Variants in IQCE observed in about 807,000 individuals in gnomAD.
The protein encoded by IQCE is IQ motif containing E.
In IQCE, 115 loss-of-function variants were observed where a neutral mutation model predicts 96.0. That is an observed-to-expected ratio of 1.20 (90% CI 1.03 to 1.40). IQCE has a LOEUF of 1.40. Among genes scored for constraint, IQCE ranks in the 40% most tolerant of loss-of-function variants. IQCE has a pLI of 0.00. For synonymous variants in IQCE, 412 were observed against 371.2 expected (o/e 1.11, Z -1.26); for missense variants, 1,041 against 909.1 (o/e 1.15, Z -1.87).
At position 2,571,573 on chromosome 7, in the gene IQCE, C is replaced by A. The variant is rs1255069705; in HGVS notation, c.178C>A (p.Leu60Ile). 4 of 1,604,760 alleles carry A rather than the reference C, an allele frequency of 2.5e-6. No homozygotes were observed. Among genetic ancestry groups the A allele is most frequent in the Non-Finnish European group, 3.4e-6 (4 of 1,179,972 alleles). ...KPRKVASWRS[L>I]RTAGSMPLGG... is the part of the protein sequence containing the mutation. ...GAGAAAAGTGGCCTCCTGGAGGTCC[C>A]TCAGGACGGCAGGGAGCATGCCTCT... The change falls in exon 4 of 22, where the codon CTC (leucine) becomes ATC (isoleucine). Residue 60 changes from leucine to isoleucine, a missense_variant. By Grantham distance (5) the Leu-to-Ile change is conservative (BLOSUM62 2). Coordinates refer to ENST00000402050, the MANE Select transcript of IQCE (RefSeq NM_152558.5).
At chr7:2,592,838 G>C (rs1368862218) in intron 14 of IQCE, among the ~76,000 whole-genome samples, 184 bp from the exon 15 acceptor site, 1 of 152,226 alleles carries the variant, frequency 6.6e-6, no homozygotes, top group Non-Finnish European at 1.5e-5. Flanking sequence ...GTTCAGGGCA[G>C]GCAGAGCCCT....
rs565300664 is a variant in IQCE, at chr7:2,571,377, G to A, written c.131-149G>A. On this transcript the variant is annotated intron_variant, in intron 3 of 21. Coordinates refer to ENST00000402050, the MANE Select transcript of IQCE (RefSeq NM_152558.5). ...GGAGAAATGTCAGTATATAGGTAAA[G>A]TAACTCTTTTTTCATTTTTGCCAGA... 1.4e-5 allele frequency: 13 copies of A among 944,370 alleles called. No homozygotes were observed. The African/African-American group carries it at 2.1e-4, about 16-fold the overall frequency. 58.5% of individuals were successfully genotyped at this position (944,370 alleles called of 1,614,324 possible).
At chr7:2,594,812 C>A in intron 15 of IQCE, 74 bp from the exon 16 acceptor site, 2 of 1,096,606 alleles carry the variant, frequency 1.8e-6, no homozygotes, top group Non-Finnish European at 2.8e-6. Context: ...GACCGCCCGC[C>A]CCACCCTGCC....
chr7:2,607,128 A>G lies in IQCE; in HGVS notation c.1870A>G (p.Thr624Ala), dbSNP rs371423432. 9 of 1,597,458 alleles carry G rather than the reference A, an allele frequency of 5.6e-6. No homozygotes were observed. Among genetic ancestry groups the G allele is most frequent in the Non-Finnish European group, 7.7e-6 (9 of 1,173,260 alleles). ...GCGTTTTCTGTTTTTTTCCAGTGCT[A>G]CCGGTAAAAGAACCACCACCGCAGC... ...AHLARARHSATGKRTTTAAST... is the reference protein window; with the variant it reads ...AHLARARHSAAGKRTTTAAST... The change falls in exon 21 of 22, where the codon ACC becomes GCC. Residue 624 changes from threonine to alanine, a missense_variant. Physicochemically the swap from Thr to Ala is moderately conservative, Grantham distance 58. Transcript: ENST00000402050.
chr7:2,601,518 G>A, intron 18 of IQCE, 54 bp downstream of exon 18: 2 of 1,212,314 alleles, frequency 1.6e-6, no homozygotes, highest in Non-Finnish European at 2.5e-6. Flanking sequence ...TTGTTGAAAA[G>A]TAGGTGAGGG....
intron 14 of IQCE, among the ~76,000 whole-genome samples, chr7:2,591,483 C>T (rs1446826397): frequency 3.3e-5 from 5 of 152,158 alleles, no homozygotes; most frequent in Non-Finnish European, 7.4e-5. Context: ...GCAAGAACTA[C>T]AGTGACTGCC....
At position 2,584,114 on chromosome 7, in the gene IQCE, C is replaced by T. The variant is rs76626560; in HGVS notation, c.775-122C>T. 6.9e-3 allele frequency: 5,941 copies of T among 859,626 alleles called. 234 individuals carry two copies. In the African/African-American group the frequency reaches 0.086, roughly 12 times the overall value. 53.2% of individuals were successfully genotyped at this position (859,626 alleles called of 1,614,324 possible). On this transcript the variant is annotated intron_variant, in intron 10 of 21. Coordinates refer to ENST00000402050, the MANE Select transcript of IQCE (RefSeq NM_152558.5). The stretch of plus-strand genomic sequence containing the variant: ...TTCAGCCCAACGGAAAGATGAAGTG[C>T]GGCCACTTAGTTCCCGCTTCTGGCC...
At chr7:2,575,412 C>T (rs147730749) in intron 6 of IQCE, among the ~76,000 whole-genome samples, 226 of 152,336 alleles carry the variant, frequency 1.5e-3, no homozygotes, top group African/African-American at 5.0e-3. Context: ...GTGCTGACAC[C>T]GCCCTAGCTG....
At chr7:2,569,079 T>C in intron 3 of IQCE, 80 bp downstream of exon 3, 1 of 1,395,970 alleles carries the variant, frequency 7.2e-7, no homozygotes, top group Non-Finnish European at 1.0e-6. Context: ...ATTTGCTTTG[T>C]ACATTTAGGT....
chr7:2,578,293 C>A lies in IQCE; in HGVS notation c.517C>A (p.Arg173Ser). ...DVDLMRTKLRRLEEENSRKDR... is the reference protein window; with the variant it reads ...DVDLMRTKLRSLEEENSRKDR... ...GGACCTGATGAGAACGAAGCTCCGGCGCCTGGAGGAGGAAAACAGCAGGAA... is the reference window on the plus strand; with the variant it reads ...GGACCTGATGAGAACGAAGCTCCGGAGCCTGGAGGAGGAAAACAGCAGGAA... Residue 173 changes from arginine (R) to serine (S), a missense_variant, in exon 7 of 22, where the codon CGC becomes AGC. Transcript: ENST00000402050. 1.9e-5 allele frequency: 30 copies of A among 1,613,842 alleles called. No homozygotes were observed. Among genetic ancestry groups the A allele is most frequent in the Non-Finnish European group, 2.5e-5 (30 of 1,179,926 alleles).
rs758451596 is a variant in IQCE, at chr7:2,572,268, C to A, written c.336C>A (p.Asp112Glu). 6.2e-7 allele frequency: 1 copy of A among 1,614,110 alleles called. No individual in the cohort carries two copies. The highest frequency in any genetic ancestry group is 8.5e-7 in the Non-Finnish European group (1 of 1,180,028). Reference protein sequence around the residue: ...AWTGVPGGTPDCLTDTFRVKR... With the variant: ...AWTGVPGGTPECLTDTFRVKR... Reference sequence around the variant, plus strand: ...CTGGCGTCCCCGGCGGCACTCCTGACTGTCTGACAGACACCTTCAGAGTGA... The same window carrying A: ...CTGGCGTCCCCGGCGGCACTCCTGAATGTCTGACAGACACCTTCAGAGTGA... The change falls in exon 5 of 22, where the codon GAC becomes GAA. Residue 112 changes from aspartate (D) to glutamate (E), a missense_variant. Transcript: ENST00000402050.
rs555473372 is a variant in IQCE at position 2,610,467 on chromosome 7, C to T, written c.*305C>T. 30 of 274,676 alleles carry T rather than the reference C, an allele frequency of 1.1e-4. No individual in the cohort carries two copies. The East Asian group carries it at 1.8e-3, about 16-fold the overall frequency. 17.0% of individuals were successfully genotyped at this position (274,676 alleles called of 1,614,324 possible). A position where few individuals can be genotyped will look rare whatever the true frequency, so the allele number is the denominator to read the frequency against. Reference sequence around the variant, plus strand: ...GATGCCAGGGAGCCCTGTAGTGACACGTTCTCTGACAGCACCTTGCCGCCT... The same window carrying T: ...GATGCCAGGGAGCCCTGTAGTGACATGTTCTCTGACAGCACCTTGCCGCCT... On this transcript the variant is annotated 3_prime_UTR_variant, in exon 22 of 22. Coordinates refer to ENST00000402050, the MANE Select transcript of IQCE (RefSeq NM_152558.5).
chr7:2,581,810 T>C (rs1195378270), intron 8 of IQCE, among the ~76,000 whole-genome samples: 6 of 151,490 alleles, frequency 4.0e-5, no homozygotes, highest in East Asian at 2.0e-4. Flanking sequence ...CCCGGGTTCA[T>C]GCCATTCTCC....
intron 9 of IQCE, among the ~76,000 whole-genome samples, chr7:2,582,934 G>A (rs1782789028): frequency 6.6e-6 from 1 of 152,004 alleles, no homozygotes; most frequent in South Asian, 2.1e-4. Context: ...TCAGTCCTGC[G>A]CCGTCCTTGT....
intron 21 of IQCE, among the ~76,000 whole-genome samples, chr7:2,608,396 G>A (rs535478177): frequency 7.2e-5 from 11 of 152,348 alleles, no homozygotes; most frequent in South Asian, 2.1e-4. Context: ...GCTAAGAACC[G>A]TATACCACGT....
At chr7:2,582,448 A>C (rs1422758883) in intron 8 of IQCE, 132 bp from the exon 9 acceptor site, 2 of 742,202 alleles carry the variant, frequency 2.7e-6, no homozygotes, top group East Asian at 2.7e-5. Context: ...CTGGGCCCGT[A>C]GTCTAGAAGA....
intron 9 of IQCE, 28 bp from the exon 10 acceptor site, chr7:2,583,609 C>A: frequency 1.3e-6 from 2 of 1,558,946 alleles, no homozygotes; most frequent in Non-Finnish European, 8.8e-7. Context: ...CTGGCACATC[C>A]CTATTAACGC....
intron 8 of IQCE, 28 bp from the exon 9 acceptor site, chr7:2,582,552 C>T (rs761029350): frequency 6.2e-7 from 1 of 1,609,580 alleles, no homozygotes; most frequent in Non-Finnish European, 8.5e-7. Flanking sequence ...AGGGCGTGGC[C>T]TGCCTGATGG....
chr7:2,562,926 A>T, intron 1 of IQCE, among the ~76,000 whole-genome samples: 1 of 146,186 alleles, frequency 6.8e-6, no homozygotes, highest in Non-Finnish European at 1.5e-5. Context: ...GTTTTTGATT[A>T]TTTGTTTTTG....
Sources: gnomAD v4.1 joint callset for allele counts (sites outside exome capture counted in the v4.1 genomes callset) on GRCh38, gnomAD v4.1.1 for gene constraint, MANE v1.5 for transcripts, NCBI Gene and HGNC (gene_info 2026-07-23, HGNC 2026-07-21) for gene names.